PCDHGB7: variants seen among roughly 807,000 people sequenced by gnomAD.
PCDHGB7 encodes protocadherin gamma-B7.
In PCDHGB7, 37 loss-of-function variants were observed where a neutral mutation model predicts 61.4. The observed-to-expected ratio is 0.60, with a 90% CI of 0.46 to 0.79. PCDHGB7 has a LOEUF of 0.79. Among genes scored for constraint, PCDHGB7 ranks in the 30% least tolerant of loss-of-function variants. The pLI is 0.00. For synonymous variants in PCDHGB7, 464 were observed against 503.5 expected (o/e 0.92, Z 1.05); for missense variants, 1,166 against 1,202.5 (o/e 0.97, Z 0.45).
At position 141,477,369 on chromosome 5, in the gene PCDHGB7, A is replaced by G; in HGVS notation, c.2416-17438A>G. The G allele has an allele frequency of 6.2e-7, 1 of 1,614,164 alleles. No individual in the cohort carries two copies. Among genetic ancestry groups the G allele is most frequent in the Non-Finnish European group, 8.5e-7 (1 of 1,180,026 alleles). ...AAAACCAGTGCAGACCTGGATCGGG[A>G]GACTGTGCCAGAATACAACCTCAGC... On this transcript the variant is annotated intron_variant, in intron 1 of 3. Transcript: ENST00000398594. The surrounding 1 kb of genome is among the most constrained non-coding windows in gnomAD (Gnocchi z 4.9).
chr5:141,430,826 C>T (rs993762069), intron 1 of PCDHGB7: 1 of 1,550,298 alleles, frequency 6.5e-7, no homozygotes, highest in Non-Finnish European at 8.7e-7. Context: ...CCTGGGGACT[C>T]TGTGGGAGAC....
At position 141,419,959 on chromosome 5, in the gene PCDHGB7, T is replaced by C. The variant is rs765017440; in HGVS notation, c.2100T>C (p.Ser700=). 3.1e-6 allele frequency: 5 copies of C among 1,614,104 alleles called. No homozygotes were observed. Among genetic ancestry groups the C allele is most frequent in the Non-Finnish European group, 3.4e-6 (4 of 1,179,906 alleles). ...FYLVVALALI[S]VLFLLAVILA... ...TGGTGGTGGCCTTGGCCTTGATTTC[T>C]GTGCTCTTTCTCCTCGCGGTGATTC... The change falls in exon 1 of 4, where the codon TCT becomes TCC. Residue 700 remains serine, a synonymous_variant. Coordinates refer to ENST00000398594, the MANE Select transcript of PCDHGB7 (RefSeq NM_018927.4).
chr5:141,501,326 CA>C (rs1562200763), intron 2 of PCDHGB7, among the ~76,000 whole-genome samples: 18 of 151,784 alleles, frequency 1.2e-4, no homozygotes, highest in African/African-American at 1.9e-4. Flanking sequence ...CACACACACA[CA>C]CACACACCCC....
At chr5:141,425,756 A>G (rs1282506394) in intron 1 of PCDHGB7, among the ~76,000 whole-genome samples, 1 of 152,228 alleles carries the variant, frequency 6.6e-6, no homozygotes, top group Non-Finnish European at 1.5e-5. Flanking sequence ...TTTTTGTTCT[A>G]CAACAGGAGA....
chr5:141,431,839 T>A lies in PCDHGB7; in HGVS notation c.2415+11565T>A. The A allele has an allele frequency of 1.2e-6, 2 of 1,614,198 alleles. No individual in the cohort carries two copies. The highest frequency in any genetic ancestry group is 1.7e-6 in the Non-Finnish European group (2 of 1,180,028). The stretch of plus-strand genomic sequence containing the variant: ...TCGCCAGCTCGGTTCCCGAAAACTC[T>A]CCCAGAGGGACATTAATTGCCCTTT... On this transcript the variant is annotated intron_variant, in intron 1 of 3. Coordinates refer to ENST00000398594, the MANE Select transcript of PCDHGB7 (RefSeq NM_018927.4). This position sits in a 1 kb window ranked among gnomAD's most constrained non-coding sequence, Gnocchi z 4.8.
chr5:141,430,795 G>T (rs918154748), intron 1 of PCDHGB7: 7 of 1,522,458 alleles, frequency 4.6e-6, no homozygotes, highest in Non-Finnish European at 6.2e-6. Flanking sequence ...ACTACAAAGG[G>T]CTTGTCCTGC....
intron 1 of PCDHGB7, among the ~76,000 whole-genome samples, chr5:141,459,098 A>G (rs993134478): frequency 2.0e-5 from 3 of 152,206 alleles, no homozygotes; most frequent in African/African-American, 7.2e-5. Flanking sequence ...ATACAGTGCA[A>G]TGCATTTTGA....
chr5:141,419,737 G>C lies in PCDHGB7; in HGVS notation c.1878G>C (p.Val626=), dbSNP rs201663350. The C allele has an allele frequency of 1.9e-6, 3 of 1,613,718 alleles. No homozygotes were observed. In the African/African-American group the frequency reaches 4.0e-5, roughly 22 times the overall value. ...LFSLGLRTGE[V]RMVRALGDKD... Reference sequence around the variant, plus strand: ...GCCTGGGGCTGCGAACAGGCGAGGTGCGCATGGTGCGTGCTTTGGGTGACA... The same window carrying C: ...GCCTGGGGCTGCGAACAGGCGAGGTCCGCATGGTGCGTGCTTTGGGTGACA... The change falls in exon 1 of 4, where the codon GTG becomes GTC. Residue 626 remains valine, a synonymous_variant. Transcript: ENST00000398594.
intron 1 of PCDHGB7, chr5:141,428,371 C>A: frequency 5.6e-6 from 3 of 536,772 alleles, no homozygotes; most frequent in Non-Finnish European, 1.0e-5. Flanking sequence ...CGCCTTGCAC[C>A]TGCGATGCTC....
chr5:141,433,067 T>C, intron 1 of PCDHGB7: 3 of 1,614,144 alleles, frequency 1.9e-6, no homozygotes, highest in Non-Finnish European at 2.5e-6. Context: ...TCACCTGATC[T>C]TCCCCCAGCC....
chr5:141,465,210 AT>A (rs1374516492), intron 1 of PCDHGB7, among the ~76,000 whole-genome samples: 4 of 152,032 alleles, frequency 2.6e-5, no homozygotes, highest in African/African-American at 9.7e-5. Flanking sequence ...TATAAGCTTT[AT>A]TTTTCAACAT....
chr5:141,505,249 G>T, intron 2 of PCDHGB7, 144 bp from the exon 3 acceptor site: 1 of 1,447,748 alleles, frequency 6.9e-7, no homozygotes, highest in Non-Finnish European at 9.2e-7. Flanking sequence ...GATTGTAGAA[G>T]TGCCTCCTAC....
In PCDHGB7 at chr5:141,419,895, C is replaced by G. The variant is rs1209315374; in HGVS notation, c.2036C>G (p.Pro679Arg). 1 of 1,613,916 alleles carries G rather than the reference C, an allele frequency of 6.2e-7. No homozygotes were observed. The highest frequency in any genetic ancestry group is 8.5e-7 in the Non-Finnish European group (1 of 1,179,738). The stretch of plus-strand genomic sequence containing the variant: ...GTACTGCCGGATTTCAGCGACCATC[C>G]CACACCCTCTGACTCCCAGGCTGAG... ...QEVLPDFSDH[P>R]TPSDSQAEMQ... The change falls in exon 1 of 4, where the codon CCC becomes CGC. Residue 679 changes from proline (P) to arginine (R), a missense_variant. Transcript: ENST00000398594.
In PCDHGB7 at chr5:141,487,737, T is replaced by G. The variant is rs1019622307; in HGVS notation, c.2416-7070T>G. 1 of 1,563,758 alleles carries G rather than the reference T, an allele frequency of 6.4e-7. No homozygotes were observed. The highest frequency in any genetic ancestry group is 8.7e-7 in the Non-Finnish European group (1 of 1,152,772). On this transcript the variant is annotated intron_variant, in intron 1 of 3. Transcript: ENST00000398594. This position sits in a 1 kb window ranked among gnomAD's most constrained non-coding sequence, Gnocchi z 5.0. ...GCCCATAGTGATGTCACCATTTTTG[T>G]AAGAGGTAACTATGTGGTAGACGCT...
intron 1 of PCDHGB7, chr5:141,426,943 C>T: frequency 2.2e-6 from 1 of 456,736 alleles, no homozygotes; most frequent in Non-Finnish European, 4.4e-6. Flanking sequence ...GACCCAGTCC[C>T]AACTGGCACT....
chr5:141,450,977 A>G (rs2098702822), intron 1 of PCDHGB7, among the ~76,000 whole-genome samples: 1 of 151,760 alleles, frequency 6.6e-6, no homozygotes, highest in African/African-American at 2.4e-5. Context: ...GGCATGTGCC[A>G]CCACACCCGG....
At chr5:141,427,839 G>A (rs1276507135) in intron 1 of PCDHGB7, 3 of 1,547,192 alleles carry the variant, frequency 1.9e-6, no homozygotes, top group African/African-American at 2.7e-5. Context: ...GCGTGCCTTC[G>A]ACCACGAGCA....
At chr5:141,468,931 G>A (rs1321821773) in intron 1 of PCDHGB7, among the ~76,000 whole-genome samples, 2 of 148,600 alleles carry the variant, frequency 1.3e-5, no homozygotes, top group Non-Finnish European at 3.0e-5. Flanking sequence ...GCACTAAAAT[G>A]GGAGATGGGG....
chr5:141,457,902 G>A (rs1219261409), intron 1 of PCDHGB7, among the ~76,000 whole-genome samples: 1 of 150,854 alleles, frequency 6.6e-6, no homozygotes, highest in Non-Finnish European at 1.5e-5. Flanking sequence ...GTGTAGACAA[G>A]GTGTGAGGCC....
Sources: gnomAD v4.1 joint callset for allele counts (sites outside exome capture counted in the v4.1 genomes callset) on GRCh38, gnomAD v4.1.1 for gene constraint, Gnocchi (gnomAD v3.1) non-coding constraint, MANE v1.5 for transcripts, NCBI Gene and HGNC (gene_info 2026-07-23, HGNC 2026-07-21) for gene names.